ATG4B: variants seen among roughly 807,000 people sequenced by gnomAD.
The protein encoded by ATG4B is autophagy related 4B cysteine peptidase.
ATG4B carries 29 observed loss-of-function variants against 56.6 expected under a neutral mutation model. The observed-to-expected ratio is 0.51, with a 90% CI of 0.38 to 0.70. The LOEUF (loss-of-function observed/expected upper bound fraction) is 0.70, where lower values mean the gene tolerates loss of function less well. Among genes scored for constraint, ATG4B ranks in the 30% least tolerant of loss-of-function variants. ATG4B has a pLI of 0.00. For synonymous variants in ATG4B, 224 were observed against 206.1 expected (o/e 1.09, Z -0.74); for missense variants, 461 against 515.5 (o/e 0.89, Z 1.02).
At chr2:241,667,900 TC>T in intron 8 of ATG4B, 3 of 497,392 alleles carry the variant, frequency 6.0e-6, no homozygotes, top group Non-Finnish European at 1.1e-5. Flanking sequence ...ACTCCCGGCC[TC>T]CCCAAAGCCC....
At chr2:241,661,133 G>C (rs2068580627) in intron 7 of ATG4B, among the ~76,000 whole-genome samples, 1 of 152,230 alleles carries the variant, frequency 6.6e-6, no homozygotes, top group Non-Finnish European at 1.5e-5. Context: ...GCTTGAATCT[G>C]CATTTCCCAG....
rs567185717 is a variant in ATG4B, at chr2:241,672,019, C to T, written c.1109-172C>T. On this transcript the variant is annotated intron_variant, in intron 12 of 12. Coordinates refer to ENST00000404914, the MANE Select transcript of ATG4B (RefSeq NM_013325.5). ...CCTGCTCCTCTTCTCTGCTCCCTCC[C>T]CCCATATTCGCAGGTCTGCACAACC... 5 of 1,429,068 alleles carry T rather than the reference C, an allele frequency of 3.5e-6. No individual in the cohort carries two copies. In the African/African-American group the frequency reaches 4.3e-5, roughly 12 times the overall value. The allele number at this position is 1,429,068 out of a possible 1,614,324, so 88.5% of individuals were successfully genotyped here.
chr2:241,671,341 G>C lies in ATG4B; in HGVS notation c.1044G>C (p.Met348Ile). 1.9e-6 allele frequency: 3 copies of C among 1,613,640 alleles called. No individual in the cohort carries two copies. The Middle Eastern group carries it at 4.9e-4, about 266-fold the overall frequency. ...KLSLLGGALP[M>I]FELVELQPSH... ...CTCTGCTTGGAGGTGCCCTGCCCAT[G>C]TTTGAGCTGGTGGAGCTGCAGCCTT... The change falls in exon 12 of 13, where the codon ATG (methionine) becomes ATC (isoleucine). Residue 348 changes from methionine (M) to isoleucine (I), a missense_variant. Physicochemically the swap from Met to Ile is conservative, Grantham distance 10. Coordinates refer to ENST00000404914, the MANE Select transcript of ATG4B (RefSeq NM_013325.5).
At chr2:241,644,898 G>A (rs187195554) in intron 1 of ATG4B, among the ~76,000 whole-genome samples, 44 of 151,362 alleles carry the variant, frequency 2.9e-4, no homozygotes, top group Admixed American at 5.9e-4. Flanking sequence ...GCAGTGAGCC[G>A]AGATCGTGCC....
chr2:241,659,069 T>C (rs2068506922), intron 6 of ATG4B, 39 bp from the exon 7 acceptor site: 1 of 1,492,834 alleles, frequency 6.7e-7, no homozygotes, highest in African/African-American at 1.4e-5. Context: ...CGTCTTTGAA[T>C]TGTACAAAAG....
chr2:241,643,566 A>G (rs1022718965), intron 1 of ATG4B, among the ~76,000 whole-genome samples: 8 of 149,876 alleles, frequency 5.3e-5, no homozygotes, highest in African/African-American at 9.8e-5. Context: ...ATGGGTCTAT[A>G]TATTTATTTA....
chr2:241,668,219 T>A lies in ATG4B; in HGVS notation c.809T>A (p.Val270Asp). The A allele has an allele frequency of 6.2e-7, 1 of 1,600,560 alleles. No individual in the cohort carries two copies. Among genetic ancestry groups the A allele is most frequent in the Non-Finnish European group, 8.5e-7 (1 of 1,174,164 alleles). Residue 270 changes from valine (V) to aspartate (D), a missense_variant and splice_region_variant, in exon 9 of 13, where the codon GTT becomes GAT. Transcript: ENST00000404914. The surrounding 1 kb of genome is among the most constrained non-coding windows in gnomAD (Gnocchi z 4.2). Reference protein sequence around the residue: ...PNSAHYFIGYVGEELIYLDPH... With the variant: ...PNSAHYFIGYDGEELIYLDPH... ...AGCGCCCACTACTTCATCGGCTACG[T>A]TGGTGAGTCCAGGGTTCCCACCGTG...
intron 4 of ATG4B, among the ~76,000 whole-genome samples, 160 bp from the exon 5 acceptor site, chr2:241,654,386 A>T (rs1479217731): frequency 6.9e-6 from 1 of 144,120 alleles, no homozygotes. Context: ...ACGCCATTGC[A>T]CTCCATCCTG....
At chr2:241,657,624 G>A (rs1225078743) in intron 6 of ATG4B, among the ~76,000 whole-genome samples, 1 of 152,190 alleles carries the variant, frequency 6.6e-6, no homozygotes, top group Admixed American at 6.5e-5. Flanking sequence ...ATTTCAGTGG[G>A]CCCATTCAAA....
chr2:241,667,437 C>T (rs2068813364), intron 8 of ATG4B, among the ~76,000 whole-genome samples: 1 of 151,790 alleles, frequency 6.6e-6, no homozygotes, highest in African/African-American at 2.4e-5. Flanking sequence ...AACCCTGTCT[C>T]TACTAAAAAT....
At chr2:241,637,816 C>T (rs1019646058) in intron 1 of ATG4B, 92 bp downstream of exon 1, 3 of 1,219,380 alleles carry the variant, frequency 2.5e-6, no homozygotes, top group African/African-American at 1.7e-5. Context: ...CGACTCGCCT[C>T]GGGGCACGCC....
chr2:241,655,718 T>C (rs1210004293), intron 6 of ATG4B, among the ~76,000 whole-genome samples: 2 of 152,168 alleles, frequency 1.3e-5, no homozygotes, highest in African/African-American at 4.8e-5. Context: ...CCTTGCCACC[T>C]GCCTTTCTCA....
chr2:241,660,674 C>CAGT (rs1213227424), intron 7 of ATG4B, among the ~76,000 whole-genome samples: 1 of 152,146 alleles, frequency 6.6e-6, no homozygotes, highest in African/African-American at 2.4e-5. Flanking sequence ...TTCTTACTCT[C>CAGT]AGTATTTCTC....
chr2:241,645,550 C>G (rs1375117392), intron 1 of ATG4B, among the ~76,000 whole-genome samples: 1 of 152,198 alleles, frequency 6.6e-6, no homozygotes, highest in Non-Finnish European at 1.5e-5. Context: ...CAGTTTAGAG[C>G]TTTTCCTGCA....
intron 7 of ATG4B, among the ~76,000 whole-genome samples, chr2:241,664,807 T>TA: frequency 6.6e-6 from 1 of 152,026 alleles, no homozygotes; most frequent in Admixed American, 6.6e-5. Context: ...CTACTAAAAA[T>TA]ACAAAAATTA....
chr2:241,642,078 CTACT>C (rs1269887283), intron 1 of ATG4B, among the ~76,000 whole-genome samples: 1 of 151,736 alleles, frequency 6.6e-6, no homozygotes, highest in Non-Finnish European at 1.5e-5. Context: ...ACACATTCCC[CTACT>C]ATCAAAGCTT....
chr2:241,644,003 G>T (rs774462383), intron 1 of ATG4B, among the ~76,000 whole-genome samples: 12 of 152,160 alleles, frequency 7.9e-5, no homozygotes, highest in Non-Finnish European at 1.6e-4. Flanking sequence ...TCTCCATGGC[G>T]AATTGCTGAG....
intron 1 of ATG4B, among the ~76,000 whole-genome samples, chr2:241,646,573 C>T (rs181143127): frequency 9.5e-4 from 145 of 152,222 alleles, no homozygotes; most frequent in East Asian, 7.9e-3. Context: ...TGATCTTTTT[C>T]TGGGCTAGCA....
Position 241,668,092 on chromosome 2 carries a change from G to C in ATG4B, c.733-51G>C, listed in dbSNP as rs1020900293. On this transcript the variant is annotated intron_variant, in intron 8 of 12. Transcript: ENST00000404914. The surrounding 1 kb of genome is among the most constrained non-coding windows in gnomAD (Gnocchi z 4.2). Reference sequence around the variant, plus strand: ...GGCCCCCTATGGCAGTGGGTGGGGGGACCGTCTGCTCCCACCTGGGACCTG... The same window carrying C: ...GGCCCCCTATGGCAGTGGGTGGGGGCACCGTCTGCTCCCACCTGGGACCTG... The C allele has an allele frequency of 5.8e-6, 9 of 1,538,604 alleles. No individual in the cohort carries two copies. The highest frequency in any genetic ancestry group is 7.9e-6 in the Non-Finnish European group (9 of 1,137,266).
Sources: gnomAD v4.1 joint callset for allele counts (sites outside exome capture counted in the v4.1 genomes callset) on GRCh38, gnomAD v4.1.1 for gene constraint, Gnocchi (gnomAD v3.1) non-coding constraint, MANE v1.5 for transcripts, NCBI Gene and HGNC (gene_info 2026-07-23, HGNC 2026-07-21) for gene names.